Variants in KCNC3 observed in about 807,000 individuals in gnomAD.
KCNC3 encodes potassium voltage-gated channel subfamily C member 3, also known as voltage-gated potassium channel KCNC3.
A neutral mutation model predicts 43.9 loss-of-function variants in KCNC3; 22 were observed. The observed-to-expected ratio is 0.50, with a 90% CI of 0.36 to 0.72. The LOEUF (loss-of-function observed/expected upper bound fraction) is 0.72, where lower values mean the gene tolerates loss of function less well. Among genes scored for constraint, KCNC3 ranks in the 30% least tolerant of loss-of-function variants. KCNC3 has a pLI of 0.00. For synonymous variants in KCNC3, 492 were observed against 488.0 expected, an observed-to-expected ratio of 1.01 and a Z score of -0.11; for missense variants, 829 against 1,073.8, an observed-to-expected ratio of 0.77 and a Z score of 3.19.
chr19:50,317,831 C>A (rs2036976444), intron 4 of KCNC3, among the ~76,000 whole-genome samples: 1 of 152,246 alleles, frequency 6.6e-6, no homozygotes, highest in Admixed American at 6.5e-5. Flanking sequence ...GGGTCTTACT[C>A]TGTCCCCCCA....
At position 50,323,264 on chromosome 19, in the gene KCNC3, G is replaced by T. The variant is rs373740686; in HGVS notation, c.1689C>A (p.Ile563=). 1.0e-5 allele frequency: 16 copies of T among 1,605,738 alleles called. No homozygotes were observed. Among genetic ancestry groups the T allele is most frequent in the Admixed American group, 1.7e-5 (1 of 59,982 alleles). Residue 563 remains isoleucine, a synonymous_variant, in exon 2 of 5, where the codon ATC becomes ATA. Transcript: ENST00000477616. ...GCGAGCCCGGTTGCGGGGGCCGGGGGATGTGTTTGTTCTTCTTCTTGGGCA... is the reference window on the plus strand; with the variant it reads ...GCGAGCCCGGTTGCGGGGGCCGGGGTATGTGTTTGTTCTTCTTCTTGGGCA... ...QKLPKKKNKH[I]PRPPQPGSPN... is the part of the protein sequence containing the mutation.
Position 50,323,057 on chromosome 19 carries a change from C to T in KCNC3, c.1896G>A (p.Gly632=), listed in dbSNP as rs1045750762. 7.1e-6 allele frequency: 11 copies of T among 1,540,002 alleles called. No homozygotes were observed. In the African/African-American group the frequency reaches 1.2e-4, roughly 17 times the overall value. ...CTGGCAGAGGAGGCAGCCCCATGATCCCCAGCCCACCCGCTCCCCCCCTGA... is the reference window on the plus strand; with the variant it reads ...CTGGCAGAGGAGGCAGCCCCATGATTCCCAGCCCACCCGCTCCCCCCCTGA... The part of the protein sequence containing the change: ...GLLRGGAGGL[G]IMGLPPLPAP... Residue 632 remains glycine, a synonymous_variant, in exon 2 of 5, where the codon GGG becomes GGA. Transcript: ENST00000477616.
intron 4 of KCNC3, among the ~76,000 whole-genome samples, chr19:50,318,722 G>A (rs936404961): frequency 3.3e-5 from 5 of 152,264 alleles, no homozygotes; most frequent in African/African-American, 7.2e-5. Context: ...ACTGTAAACC[G>A]TGATGGCAGA....
rs529517127 is a variant in KCNC3, at chr19:50,324,291, AG to A, written c.871-210del. On this transcript the variant is annotated intron_variant, in intron 1 of 4. Coordinates refer to ENST00000477616, the MANE Select transcript of KCNC3 (RefSeq NM_004977.3). This position sits in a 1 kb window ranked among gnomAD's most constrained non-coding sequence, Gnocchi z 4.1. ...AGCAAAAAGGGAGAGAAAGGAACAG[AG>A]GCAGTTGGAGAAGAGCTGGCCCCAG... is the stretch of plus-strand genomic sequence containing the variant. Among the ~76,000 whole-genome samples, 146 of 152,322 alleles carry A rather than the reference AG, an allele frequency of 9.6e-4. No individual in the cohort carries two copies. Among genetic ancestry groups the A allele is most frequent in the African/African-American group, 3.4e-3 (140 of 41,570 alleles).
upstream of KCNC3, among the ~76,000 whole-genome samples, chr19:50,333,222 C>T (rs879741941): frequency 9.9e-5 from 15 of 152,094 alleles, no homozygotes; most frequent in Non-Finnish European, 5.9e-5. Context: ...TGGGGGAATC[C>T]GGGGCTCGAG....
intron 1 of KCNC3, among the ~76,000 whole-genome samples, chr19:50,326,349 G>C (rs1272408983): frequency 6.6e-6 from 1 of 152,234 alleles, no homozygotes; most frequent in Non-Finnish European, 1.5e-5. Context: ...GAGCCGCTCA[G>C]TGTCTTGAGG....
chr19:50,312,312 G>C lies in KCNC3; in HGVS notation c.*3803C>G, dbSNP rs1263402495. 1 of 151,522 alleles carries C rather than the reference G, an allele frequency of 6.6e-6. No homozygotes were observed. Among genetic ancestry groups the C allele is most frequent in the Admixed American group, 6.6e-5 (1 of 15,182 alleles). The allele number at this position is 151,522 out of a possible 1,614,324, so 9.4% of individuals were successfully genotyped here. A position where few individuals can be genotyped will look rare whatever the true frequency, so the allele number is the denominator to read the frequency against. ...GAGAAACTTATTGCTCTGTGTGTGT[G>C]TGTGTGTGTGTTGGGGAGGGTGAGC... On this transcript the variant is annotated 3_prime_UTR_variant, in exon 5 of 5. Transcript: ENST00000477616.
Position 50,314,999 on chromosome 19 carries a change from TG to T in KCNC3, c.*1115del. The T allele has an allele frequency of 4.3e-6, 1 of 232,202 alleles. No individual in the cohort carries two copies. The highest frequency in any genetic ancestry group is 8.5e-6 in the Non-Finnish European group (1 of 117,850). The allele number at this position is 232,202 out of a possible 1,614,324, so 14.4% of individuals were successfully genotyped here. On this transcript the variant is annotated 3_prime_UTR_variant, in exon 5 of 5. Transcript: ENST00000477616. The stretch of plus-strand genomic sequence containing the variant: ...GCGGGATTTCTCGTAACCTGGGGGG[TG>T]GGGAGGTGTGCAGACACAGGGGGGA...
intron 1 of KCNC3, among the ~76,000 whole-genome samples, chr19:50,325,152 TGGGGTCA>T (rs2037086627): frequency 7.0e-6 from 1 of 142,160 alleles, no homozygotes; most frequent in East Asian, 2.1e-4. Flanking sequence ...GAGGAGGGAG[TGGGGTCA>T]GGGTCTTGGA....
chr19:50,318,426 C>G (rs34856978), intron 4 of KCNC3, among the ~76,000 whole-genome samples: 69,985 of 151,384 alleles, frequency 0.46, 16,491 homozygotes, highest in Non-Finnish European at 0.49. Flanking sequence ...CCACTGTCCT[C>G]GGCCTCCCAA....
chr19:50,328,628 C>A lies in KCNC3; in HGVS notation c.455G>T (p.Arg152Leu). ...GVFAYVLNYY[R>L]TGKLHCPADV... ...GGCTGGGCAGTGCAGCTTGCCGGTG[C>A]GGTAGTAGTTGAGCACGTACGCGAA... Residue 152 changes from arginine (R) to leucine (L), a missense_variant, in exon 1 of 5, where the codon CGC becomes CTC. Arg to Leu is a moderately radical substitution (Grantham distance 102). This residue lies in a region of KCNC3 where 121 missense variants were observed against 247.4 expected (regional missense o/e 0.49). Coordinates refer to ENST00000477616, the MANE Select transcript of KCNC3 (RefSeq NM_004977.3). The A allele has an allele frequency of 6.2e-7, 1 of 1,611,428 alleles. No individual in the cohort carries two copies. The highest frequency in any genetic ancestry group is 8.5e-7 in the Non-Finnish European group (1 of 1,179,430).
chr19:50,330,580 G>T (rs1054655407), upstream of KCNC3, among the ~76,000 whole-genome samples: 4 of 152,100 alleles, frequency 2.6e-5, no homozygotes, highest in Non-Finnish European at 4.4e-5. Context: ...TCTAACGAAC[G>T]CTACACCGCG....
chr19:50,313,217 G>A lies in KCNC3; in HGVS notation c.*2898C>T, dbSNP rs2036903269. 6.6e-6 allele frequency: 1 copy of A among 152,182 alleles called. No homozygotes were observed. Among genetic ancestry groups the A allele is most frequent in the Admixed American group, 6.5e-5 (1 of 15,278 alleles). The allele number at this position is 152,182 out of a possible 1,614,324, so 9.4% of individuals were successfully genotyped here. On this transcript the variant is annotated 3_prime_UTR_variant, in exon 5 of 5. Transcript: ENST00000477616. ...CGAGCGTGACGCGGTGAGGACCGCT[G>A]GGGAAGGGGGGCTGGGATCCCAGCC...
rs548580806 is a variant in KCNC3 at position 50,314,840 on chromosome 19, G to A, written c.*1275C>T. On this transcript the variant is annotated 3_prime_UTR_variant, in exon 5 of 5. Transcript: ENST00000477616. ...CGGTCACCCCCGAGTCCCCCCACAG[G>A]GGGGAGGGGAGCGCTAAAGGATGGA... is the stretch of plus-strand genomic sequence containing the variant. The A allele has an allele frequency of 1.4e-5, 5 of 346,718 alleles. No individual in the cohort carries two copies. The highest frequency in any genetic ancestry group is 1.2e-4 in the East Asian group (1 of 8,424). 21.5% of individuals were successfully genotyped at this position (346,718 alleles called of 1,614,324 possible).
upstream of KCNC3, among the ~76,000 whole-genome samples, chr19:50,331,336 C>G (rs1337797260): frequency 7.2e-6 from 1 of 138,384 alleles, no homozygotes; most frequent in Non-Finnish European, 1.5e-5. Context: ...GGGTGTGCCT[C>G]TCTGTCTGGG....
chr19:50,314,022 G>C lies in KCNC3; in HGVS notation c.*2093C>G, dbSNP rs1014755602. ...CTGGGAATGGAGGGAGATAGTCGGG[G>C]AATTTCGTGTGCTAGGGCCAGATCA... On this transcript the variant is annotated 3_prime_UTR_variant, in exon 5 of 5. Coordinates refer to ENST00000477616, the MANE Select transcript of KCNC3 (RefSeq NM_004977.3). 5 of 152,148 alleles carry C rather than the reference G, an allele frequency of 3.3e-5. No individual in the cohort carries two copies. Among genetic ancestry groups the C allele is most frequent in the Non-Finnish European group, 7.3e-5 (5 of 68,066 alleles). 9.4% of individuals were successfully genotyped at this position (152,148 alleles called of 1,614,324 possible).
Position 50,323,567 on chromosome 19 carries a change from G to A in KCNC3, c.1386C>T (p.Phe462=), listed in dbSNP as rs1336436363. ...IIFLALGVLI[F]ATMIYYAERI... ...GCTCAGCGTAGTAAATCATGGTGGC[G>A]AAGATGAGCACCCCCAGGGCCAGGA... Residue 462 remains phenylalanine, a synonymous_variant, in exon 2 of 5, where the codon TTC becomes TTT. Coordinates refer to ENST00000477616, the MANE Select transcript of KCNC3 (RefSeq NM_004977.3). The A allele has an allele frequency of 1.4e-5, 23 of 1,614,120 alleles. No individual in the cohort carries two copies. The highest frequency in any genetic ancestry group is 4.0e-5 in the African/African-American group (3 of 74,946).
chr19:50,320,284 CG>C lies in KCNC3; in HGVS notation c.2235del (p.Asp746ThrfsTer26). 3 of 1,082,182 alleles carry C rather than the reference CG, an allele frequency of 2.8e-6. No individual in the cohort carries two copies. Among genetic ancestry groups the C allele is most frequent in the Non-Finnish European group, 2.4e-6 (2 of 817,118 alleles). 67.0% of individuals were successfully genotyped at this position (1,082,182 alleles called of 1,614,324 possible). ...CAGGCCGCGGCGTTGGCGTTGAGGT[CG>C]GGCAAGAAGCTTGGGGGGCCTGGCT... ...WRKPGPPSFL[P>X]DLNANAAAWI... On this transcript the variant is annotated frameshift_variant, in exon 4 of 5. Transcript: ENST00000477616. LOFTEE classifies it high-confidence loss of function.
At chr19:50,321,855 T>C (rs1429028673) in intron 2 of KCNC3, among the ~76,000 whole-genome samples, 1 of 149,798 alleles carries the variant, frequency 6.7e-6, no homozygotes, top group South Asian at 2.1e-4. Context: ...TGGGGGGTGG[T>C]TGGCTGGAGC....
Sources: gnomAD v4.1 joint callset for allele counts (sites outside exome capture counted in the v4.1 genomes callset) on GRCh38, gnomAD v4.1.1 for gene constraint, gnomAD v4.1.1 regional missense constraint, Gnocchi (gnomAD v3.1) non-coding constraint, MANE v1.5 for transcripts, NCBI Gene and HGNC (gene_info 2026-07-23, HGNC 2026-07-21) for gene names.